Variants in FBXO27 observed in about 807,000 individuals in gnomAD.
FBXO27 encodes F-box only protein 27.
FBXO27 carries 28 observed loss-of-function variants against 28.3 expected under a neutral mutation model. The observed-to-expected ratio is 0.99, with a 90% CI of 0.73 to 1.36. The LOEUF (loss-of-function observed/expected upper bound fraction) is 1.36, where lower values mean the gene tolerates loss of function less well. FBXO27 is among the 40% of genes most tolerant of loss of function. FBXO27 has a pLI of 0.00. For missense variants in FBXO27, 388 were observed against 394.1 expected (o/e 0.98, Z 0.13); for synonymous variants, 175 against 167.3 (o/e 1.05, Z -0.36).
In FBXO27 at chr19:39,031,906, T is replaced by G. The variant is rs750775499; in HGVS notation, c.322A>C (p.Arg108=). The change falls in exon 2 of 6, where the codon AGA becomes CGA. Residue 108 remains arginine, a synonymous_variant. Coordinates refer to ENST00000292853, the MANE Select transcript of FBXO27 (RefSeq NM_178820.5). The stretch of plus-strand genomic sequence containing the variant: ...CGAATAAGGTTGCGTCCGATGGGTC[T>G]GCGCGCGCAGAAGCGGCCCAGGGGG... The part of the protein sequence containing the change: ...PCPLGRFCAR[R]PIGRNLIRNP... The G allele has an allele frequency of 2.0e-6, 3 of 1,501,018 alleles. No homozygotes were observed. The highest frequency in any genetic ancestry group is 2.6e-6 in the Non-Finnish European group (3 of 1,137,312). The allele number at this position is 1,501,018 out of a possible 1,614,324, so 93.0% of individuals were successfully genotyped here.
chr19:39,018,765 T>C (rs1333209376), intron 1 of FBXO27, among the ~76,000 whole-genome samples: 1 of 152,162 alleles, frequency 6.6e-6, no homozygotes, highest in African/African-American at 2.4e-5. Context: ...AAATACCTTT[T>C]TATCTCATAC....
intron 1 of FBXO27, among the ~76,000 whole-genome samples, chr19:39,016,105 CAGTGGTCCTCT>C (rs1399148180): frequency 6.6e-6 from 1 of 152,118 alleles, no homozygotes; most frequent in East Asian, 1.9e-4. Flanking sequence ...ACAAAAAGAC[CAGTGGTCCTCT>C]GGGGTTGAGG....
At chr19:39,018,081 A>G (rs1179831300) in intron 1 of FBXO27, among the ~76,000 whole-genome samples, 1 of 152,136 alleles carries the variant, frequency 6.6e-6, no homozygotes, top group Non-Finnish European at 1.5e-5. Flanking sequence ...CCCGGGTTCA[A>G]GCAATCCTCC....
At chr19:39,015,691 G>A (rs997794091) in intron 1 of FBXO27, among the ~76,000 whole-genome samples, 8 of 152,128 alleles carry the variant, frequency 5.3e-5, no homozygotes, top group Non-Finnish European at 1.2e-4. Flanking sequence ...ATATCACTAA[G>A]TAAGAGACCA....
chr19:39,013,764 A>C (rs2072806764), intron 2 of FBXO27, among the ~76,000 whole-genome samples: 1 of 152,094 alleles, frequency 6.6e-6, no homozygotes, highest in Non-Finnish European at 1.5e-5. Flanking sequence ...CTGTAATCCC[A>C]GCACTTTGGG....
intron 2 of FBXO27, among the ~76,000 whole-genome samples, chr19:39,011,827 CT>C (rs71167612): frequency 0.23 from 28,726 of 123,538 alleles, 3,290 homozygotes; most frequent in South Asian, 0.37. Flanking sequence ...ATTTTCTTTT[CT>C]TTTTTTTTTT....
Position 39,031,062 on chromosome 19 carries a change from T to A in FBXO27, c.539A>T (p.Asp180Val). ...GACACAAATCTCAATCCTGCCACTATCCAGCAGTTCTGGCCACAGACCCTC... is the reference window on the plus strand; with the variant it reads ...GACACAAATCTCAATCCTGCCACTAACCAGCAGTTCTGGCCACAGACCCTC... Reference protein sequence around the residue: ...EEEGLWPELLDSGRIEICVSD... With the variant: ...EEEGLWPELLVSGRIEICVSD... The change falls in exon 4 of 6, where the codon GAT becomes GTT. Residue 180 changes from aspartate (D) to valine (V), a missense_variant. By Grantham distance (152) the Asp-to-Val change is radical. Coordinates refer to ENST00000292853, the MANE Select transcript of FBXO27 (RefSeq NM_178820.5). The A allele has an allele frequency of 6.2e-7, 1 of 1,614,146 alleles. No homozygotes were observed. The highest frequency in any genetic ancestry group is 8.5e-7 in the Non-Finnish European group (1 of 1,180,012).
At chr19:39,027,104 G>A in intron 4 of FBXO27, 99 bp from the exon 5 acceptor site, 4 of 1,486,722 alleles carry the variant, frequency 2.7e-6, no homozygotes, top group Non-Finnish European at 3.7e-6. Context: ...TGCAAATCCA[G>A]TTCCTCTAAA....
At chr19:39,015,700 C>A (rs889561563) in intron 1 of FBXO27, among the ~76,000 whole-genome samples, 6 of 151,992 alleles carry the variant, frequency 3.9e-5, no homozygotes, top group Admixed American at 6.6e-5. Flanking sequence ...AGTAAGAGAC[C>A]AATTAGGTAA....
In FBXO27 at chr19:39,032,183, C is replaced by T. The variant is rs1490932472; in HGVS notation, c.45G>A (p.Ala15=). 3 of 1,496,018 alleles carry T rather than the reference C, an allele frequency of 2.0e-6. No individual in the cohort carries two copies. The highest frequency in any genetic ancestry group is 2.3e-5 in the Admixed American group (1 of 43,228). 92.7% of individuals were successfully genotyped at this position (1,496,018 alleles called of 1,614,324 possible). Residue 15 remains alanine (A), a synonymous_variant, in exon 2 of 6, where the codon GCG becomes GCA. Coordinates refer to ENST00000292853, the MANE Select transcript of FBXO27 (RefSeq NM_178820.5). The surrounding 1 kb of genome is among the most constrained non-coding windows in gnomAD (Gnocchi z 4.7). ...VSRGRAARVP[A]PEPEPEEALD... ...GCGCCTCTTCGGGTTCCGGCTCCGG[C>T]GCGGGGACCCGGGCGGCCCGGCCCC...
chr19:39,020,507 G>A (rs994739472), downstream of FBXO27, among the ~76,000 whole-genome samples: 1 of 151,912 alleles, frequency 6.6e-6, no homozygotes, highest in Non-Finnish European at 1.5e-5. Flanking sequence ...GGACCTTTAA[G>A]GCTCATTACA....
intron 2 of FBXO27, 89 bp downstream of exon 2, chr19:39,031,775 T>TCCTCCC (rs1568461431): frequency 1.3e-5 from 16 of 1,252,780 alleles, no homozygotes; most frequent in African/African-American, 2.0e-5. Flanking sequence ...CGGCCCCTAG[T>TCCTCCC]ACCGGTCCCA....
At chr19:39,031,690 G>A (rs1672650) in intron 2 of FBXO27, among the ~76,000 whole-genome samples, 174 bp downstream of exon 2, 628 of 107,204 alleles carry the variant, frequency 5.9e-3, no homozygotes, top group African/African-American at 0.014. Context: ...CGCCCCTCCG[G>A]CACCTCACAC....
At position 39,012,751 on chromosome 19, in the gene FBXO27, A is replaced by C. The variant is rs1027842519; in HGVS notation, c.252+1636T>G. ...GGAGGCCGGATCACCTGAGGTTGGG[A>C]GTTTGAGACCAGCCTGGCCAACAGA... On this transcript the variant is annotated intron_variant, in intron 2 of 2. Transcript: ENST00000598394. Among the ~76,000 whole-genome samples the C allele has an allele frequency of 2.6e-5, 4 of 151,852 alleles. No individual in the cohort carries two copies. In the Admixed American group the frequency reaches 2.6e-4, roughly 10 times the overall value.
chr19:39,023,020 G>C (rs2072853027), downstream of FBXO27, among the ~76,000 whole-genome samples: 1 of 151,884 alleles, frequency 6.6e-6, no homozygotes, highest in Non-Finnish European at 1.5e-5. Flanking sequence ...GGCCTGGCTG[G>C]TCTCGAACTC....
chr19:39,013,401 G>A (rs1270125202), intron 2 of FBXO27, among the ~76,000 whole-genome samples: 6 of 151,052 alleles, frequency 4.0e-5, no homozygotes, highest in South Asian at 4.2e-4. Context: ...AGGCTGAGGC[G>A]GGAGGATCAC....
chr19:39,006,867 C>T (rs1282197682), intron 2 of FBXO27, among the ~76,000 whole-genome samples: 1 of 151,254 alleles, frequency 6.6e-6, no homozygotes, highest in Non-Finnish European at 1.5e-5. Flanking sequence ...TCACTTGAGC[C>T]CAGGAGTTCA....
chr19:39,031,490 C>T, intron 2 of FBXO27, 170 bp from the exon 3 acceptor site: 1 of 640,294 alleles, frequency 1.6e-6, no homozygotes, highest in Non-Finnish European at 2.7e-6. Context: ...CAAAGCCCCG[C>T]TCCTCTGGCC....
downstream of FBXO27, among the ~76,000 whole-genome samples, chr19:39,019,424 CAAAAAAAAAAAAAAAAAAAAAAAAAAAAA>C (rs566451562): frequency 8.5e-5 from 3 of 35,412 alleles, no homozygotes; most frequent in Admixed American, 4.8e-4. Flanking sequence ...GACTCTGTCT[CAAAAAAAAAAAAAAAAAAAAAAAAAAAAA>C]AAAAAAAAAA....
Sources: allele counts gnomAD v4.1 joint callset (sites outside exome capture counted in the v4.1 genomes callset), GRCh38; gene constraint gnomAD v4.1.1; non-coding constraint Gnocchi (gnomAD v3.1); transcripts MANE v1.5; gene names NCBI Gene and HGNC (gene_info 2026-07-23, HGNC 2026-07-21).